Variants in VWDE observed in about 807,000 individuals in gnomAD.
VWDE encodes the protein von Willebrand factor D and EGF domains.
Under a neutral mutation model 178.4 loss-of-function variants are expected in VWDE, and 207 were observed. The ratio of observed to expected loss-of-function variants is 1.16; its 90% CI spans 1.04 to 1.30. VWDE has a LOEUF of 1.30. Ranked by LOEUF, VWDE falls within the 50% of genes most tolerant of loss-of-function variation. The pLI is 0.00. For missense variants in VWDE, 2,287 were observed against 1,901.3 expected (o/e 1.20, Z -3.77); for synonymous variants, 738 against 651.4 (o/e 1.13, Z -2.02).
chr7:12,338,809 C>A (rs573707345), intron 24 of VWDE, among the ~76,000 whole-genome samples: 5 of 152,124 alleles, frequency 3.3e-5, no homozygotes, highest in African/African-American at 7.2e-5. Context: ...TCCAGCCATA[C>A]ATCCTAAGCC....
rs765683242 is a variant in VWDE at position 12,351,655 on chromosome 7, A to G, written c.3804T>C (p.Asp1268=). The stretch of plus-strand genomic sequence containing the variant: ...CATCCTCTTCTTTATTTACACTTTT[A>G]TCAGATCTTGTGAGAACCACAGTTT... ...TTQTVVLTRS[D]KSVNKEEDDK... Residue 1268 remains aspartate, a synonymous_variant, in exon 19 of 29, where the codon GAT becomes GAC. Coordinates refer to ENST00000275358, the MANE Select transcript of VWDE (RefSeq NM_001135924.3). 1.1e-5 allele frequency: 17 copies of G among 1,550,132 alleles called. No individual in the cohort carries two copies. The South Asian group carries it at 1.9e-4, about 17-fold the overall frequency.
At chr7:12,335,500 G>A (rs539218735) in intron 27 of VWDE, among the ~76,000 whole-genome samples, 1 of 151,906 alleles carries the variant, frequency 6.6e-6, no homozygotes, top group South Asian at 2.1e-4. Context: ...CTGTCGCCCA[G>A]GCCGGAGTGC....
intron 19 of VWDE, among the ~76,000 whole-genome samples, chr7:12,346,896 A>T (rs201575502): frequency 1.3e-5 from 2 of 152,246 alleles, no homozygotes; most frequent in East Asian, 3.9e-4. Context: ...AACCAAAACC[A>T]GAAAAAGACA....
At chr7:12,345,434 G>T (rs76985466) in intron 19 of VWDE, among the ~76,000 whole-genome samples, 223 of 152,096 alleles carry the variant, frequency 1.5e-3, no homozygotes, top group African/African-American at 5.2e-3. Flanking sequence ...AAGGGGCAGC[G>T]TCCACATTGG....
rs190148861 is a variant in VWDE at position 12,389,073 on chromosome 7, C to T, written c.475+54G>A. ...AATACAACCTATCCAGAGAATGGTACGAATGGCAGAGTTCCATGAATAACA... is the reference window on the plus strand; with the variant it reads ...AATACAACCTATCCAGAGAATGGTATGAATGGCAGAGTTCCATGAATAACA... On this transcript the variant is annotated intron_variant, in intron 3 of 28. Coordinates refer to ENST00000275358, the MANE Select transcript of VWDE (RefSeq NM_001135924.3). 4.2e-5 allele frequency: 50 copies of T among 1,197,450 alleles called. 1 individual carries two copies. In the South Asian group the frequency reaches 5.4e-4, roughly 13 times the overall value. 74.2% of individuals were successfully genotyped at this position (1,197,450 alleles called of 1,614,324 possible). A position where few individuals can be genotyped will look rare whatever the true frequency, so the allele number is the denominator to read the frequency against.
At chr7:12,385,511 T>C (rs1784055145) in intron 3 of VWDE, among the ~76,000 whole-genome samples, 4 of 152,294 alleles carry the variant, frequency 2.6e-5, no homozygotes, top group East Asian at 1.9e-4. Context: ...TAAATGCAGA[T>C]AAAGAGGCTA....
In VWDE at chr7:12,342,954, T is replaced by C. The variant is rs759346204; in HGVS notation, c.4174+129A>G. 12 of 561,918 alleles carry C rather than the reference T, an allele frequency of 2.1e-5. No individual in the cohort carries two copies. In the Admixed American group the frequency reaches 2.5e-4, roughly 12 times the overall value. The allele number at this position is 561,918 out of a possible 1,614,324, so 34.8% of individuals were successfully genotyped here. A position where few individuals can be genotyped will look rare whatever the true frequency, so the allele number is the denominator to read the frequency against. On this transcript the variant is annotated intron_variant, in intron 22 of 28. Coordinates refer to ENST00000275358, the MANE Select transcript of VWDE (RefSeq NM_001135924.3). Reference sequence around the variant, plus strand: ...GGTGTTTGGTTTTTTGTCCTTGCGATAGTTTACAAGAACTATCACAATGTG... The same window carrying C: ...GGTGTTTGGTTTTTTGTCCTTGCGACAGTTTACAAGAACTATCACAATGTG...
chr7:12,387,494 G>A lies in VWDE; in HGVS notation c.475+1633C>T, dbSNP rs190005855. Among the ~76,000 whole-genome samples the A allele has an allele frequency of 7.8e-4, 119 of 151,874 alleles. 1 individual carries two copies. In the East Asian group the frequency reaches 0.015, roughly 19 times the overall value. ...CTGGTTTAAATTCCAAAGCTATGAC[G>A]AGCAAAATAATTTTTGAGATTGGGT... On this transcript the variant is annotated intron_variant, in intron 3 of 28. Transcript: ENST00000275358.
In VWDE at chr7:12,380,662, T is replaced by G; in HGVS notation, c.613A>C (p.Arg205=). Residue 205 remains arginine, a synonymous_variant, in exon 5 of 29, where the codon AGG becomes CGG. Coordinates refer to ENST00000275358, the MANE Select transcript of VWDE (RefSeq NM_001135924.3). The stretch of plus-strand genomic sequence containing the variant: ...TCAAAAGAACACCTACAGAAAAGCC[T>G]GGACTCAATCAACTCCACCAGAACC... ...PEVLVELIES[R]LFCRCSFDVP... 1 of 1,552,106 alleles carries G rather than the reference T, an allele frequency of 6.4e-7. No individual in the cohort carries two copies. Among genetic ancestry groups the G allele is most frequent in the Non-Finnish European group, 8.7e-7 (1 of 1,147,094 alleles).
At chr7:12,358,500 G>A (rs1439277624) in intron 16 of VWDE, among the ~76,000 whole-genome samples, 1 of 151,858 alleles carries the variant, frequency 6.6e-6, no homozygotes, top group Non-Finnish European at 1.5e-5. Context: ...CAGCCCACTG[G>A]CTTAACAGTT....
chr7:12,365,338 T>C (rs1019225185), intron 13 of VWDE, among the ~76,000 whole-genome samples: 4 of 152,150 alleles, frequency 2.6e-5, no homozygotes, highest in African/African-American at 7.2e-5. Flanking sequence ...ATATTAACTT[T>C]ATGAGAAACT....
rs1013187606 is a variant in VWDE at position 12,372,932 on chromosome 7, G to A, written c.1587+45C>T. ...ATTTAATAGAGATGTTTATCTGAAA[G>A]GAGAAAAAGGAAAAATACTTTCAAT... On this transcript the variant is annotated intron_variant, in intron 10 of 28. Transcript: ENST00000275358. 4 of 1,513,460 alleles carry A rather than the reference G, an allele frequency of 2.6e-6. No individual in the cohort carries two copies. In the African/African-American group the frequency reaches 4.2e-5, roughly 16 times the overall value. The allele number at this position is 1,513,460 out of a possible 1,614,324, so 93.8% of individuals were successfully genotyped here. A position where few individuals can be genotyped will look rare whatever the true frequency, so the allele number is the denominator to read the frequency against.
At chr7:12,361,562 A>G (rs1279171969) in intron 13 of VWDE, 41 bp from the exon 14 acceptor site, 3 of 1,472,016 alleles carry the variant, frequency 2.0e-6, no homozygotes, top group Non-Finnish European at 1.8e-6. Flanking sequence ...CTGTTAAATT[A>G]TGGAAATATT....
In VWDE at chr7:12,337,017, G is replaced by C. The variant is rs971000302; in HGVS notation, c.4529C>G (p.Ser1510Cys). Reference sequence around the variant, plus strand: ...GTTGCATCGTTTCCCACTCCAACCAGAAGGACAAGAGCAAGTGCTTGGTCC... The same window carrying C: ...GTTGCATCGTTTCCCACTCCAACCACAAGGACAAGAGCAAGTGCTTGGTCC... ...CVGPSTCSCP[S>C]GWSGKRCNTP... The change falls in exon 26 of 29, where the codon TCT becomes TGT. Residue 1510 changes from serine to cysteine, a missense_variant. Transcript: ENST00000275358. The C allele has an allele frequency of 1.4e-5, 22 of 1,551,374 alleles. No homozygotes were observed. The highest frequency in any genetic ancestry group is 1.2e-4 in the Admixed American group (6 of 50,954).
At chr7:12,398,969 C>G (rs2128564857) in intron 1 of VWDE, among the ~76,000 whole-genome samples, 1 of 152,194 alleles carries the variant, frequency 6.6e-6, no homozygotes, top group Non-Finnish European at 1.5e-5. Context: ...GTGACAATAT[C>G]ATCCATACCT....
At chr7:12,333,002 AGAACTACCCT>A (rs1780811666) in intron 28 of VWDE, among the ~76,000 whole-genome samples, 1 of 152,216 alleles carries the variant, frequency 6.6e-6, no homozygotes, top group African/African-American at 2.4e-5. Context: ...AGAGATTATT[AGAACTACCCT>A]TGTGTGTATA....
chr7:12,386,094 G>A (rs776311273), intron 3 of VWDE, among the ~76,000 whole-genome samples: 3 of 151,966 alleles, frequency 2.0e-5, no homozygotes, highest in East Asian at 1.9e-4. Context: ...AGTTGTCAAT[G>A]TTTCTTAAAC....
intron 28 of VWDE, among the ~76,000 whole-genome samples, 178 bp from the exon 29 acceptor site, chr7:12,331,375 G>A (rs6954555): frequency 0.67 from 101,527 of 151,992 alleles, 35,341 homozygotes; most frequent in African/African-American, 0.89. Flanking sequence ...CATACTTAAG[G>A]TCCAAGCTGT....
intron 1 of VWDE, among the ~76,000 whole-genome samples, chr7:12,398,034 A>G (rs1448968003): frequency 6.6e-6 from 1 of 152,204 alleles, no homozygotes; most frequent in Non-Finnish European, 1.5e-5. Context: ...AAGAACTATC[A>G]TTCAACCTAG....
Sources: allele counts gnomAD v4.1 joint callset (sites outside exome capture counted in the v4.1 genomes callset), GRCh38; gene constraint gnomAD v4.1.1; transcripts MANE v1.5; gene names NCBI Gene and HGNC (gene_info 2026-07-23, HGNC 2026-07-21).